The following NEGR1 variants were observed in gnomAD, a reference collection of about 807,000 sequenced individuals.
NEGR1 encodes the protein IgLON family member 4.
NEGR1 carries 10 observed loss-of-function variants against 40.9 expected under a neutral mutation model. That is an observed-to-expected ratio of 0.24 (90% CI 0.15 to 0.42). The LOEUF is 0.42. NEGR1 is among the 10% of genes least tolerant of loss of function. The probability of loss-of-function intolerance (pLI) is 1.00; values close to 1 mark genes in which losing one functional copy is unlikely to be tolerated. For missense variants in NEGR1, 352 were observed against 438.9 expected (o/e 0.80, Z 1.77); for synonymous variants, 185 against 166.8 (o/e 1.11, Z -0.84).
intron 6 of NEGR1, among the ~76,000 whole-genome samples, chr1:71,572,843 G>A (rs1445912206): frequency 4.6e-5 from 7 of 152,084 alleles, no homozygotes; most frequent in Non-Finnish European, 8.8e-5. Context: ...TCCTTAAAGG[G>A]ACCCTAGAAG....
chr1:71,743,127 C>T (rs1655269809), intron 3 of NEGR1, among the ~76,000 whole-genome samples: 1 of 152,160 alleles, frequency 6.6e-6, no homozygotes, highest in Admixed American at 6.6e-5. Context: ...TTTCCAGCCT[C>T]TGAAACTGTG....
intron 2 of NEGR1, among the ~76,000 whole-genome samples, chr1:71,881,229 G>C (rs1660575799): frequency 6.6e-6 from 1 of 151,954 alleles, no homozygotes; most frequent in African/African-American, 2.4e-5. Flanking sequence ...TTCTGAGACA[G>C]TAAGTGTCTG....
At chr1:71,511,560 C>A (rs532035975) in intron 6 of NEGR1, among the ~76,000 whole-genome samples, 2 of 152,090 alleles carry the variant, frequency 1.3e-5, no homozygotes, top group Non-Finnish European at 2.9e-5. Context: ...TTCTAAGAGC[C>A]CAGAGACTTC....
chr1:72,124,918 G>C, intron 1 of NEGR1, among the ~76,000 whole-genome samples: 1 of 152,042 alleles, frequency 6.6e-6, no homozygotes, highest in South Asian at 2.1e-4. Context: ...CATACACATT[G>C]AATTTTAAAG....
At chr1:71,422,237 T>C (rs1646399347) in intron 6 of NEGR1, among the ~76,000 whole-genome samples, 1 of 152,188 alleles carries the variant, frequency 6.6e-6, no homozygotes, top group Non-Finnish European at 1.5e-5. Context: ...AGGATTTCAA[T>C]TTAACGTTAA....
chr1:71,962,748 TTACTC>T (rs979335465), intron 1 of NEGR1, among the ~76,000 whole-genome samples: 2 of 150,572 alleles, frequency 1.3e-5, no homozygotes, highest in African/African-American at 4.9e-5. Flanking sequence ...GACTTAGACT[TTACTC>T]TGTCTAAATT....
intron 1 of NEGR1, among the ~76,000 whole-genome samples, chr1:72,182,320 C>G (rs906641057): frequency 6.6e-6 from 1 of 152,038 alleles, no homozygotes; most frequent in African/African-American, 2.4e-5. Context: ...ATGGTGAAAC[C>G]CTGTCTCTAC....
At chr1:72,173,182 ATTTTT>A (rs1249612061) in intron 1 of NEGR1, among the ~76,000 whole-genome samples, 1 of 149,898 alleles carries the variant, frequency 6.7e-6, no homozygotes, top group African/African-American at 2.4e-5. Flanking sequence ...AATTTTTTGA[ATTTTT>A]TATAGAGACA....
intron 1 of NEGR1, among the ~76,000 whole-genome samples, chr1:71,975,649 A>T (rs1646295863): frequency 6.6e-6 from 1 of 152,194 alleles, no homozygotes; most frequent in South Asian, 2.1e-4. Context: ...TAATCTGTAG[A>T]GTAAAAAATA....
intron 4 of NEGR1, among the ~76,000 whole-genome samples, chr1:71,636,875 G>A (rs1339387321): frequency 1.3e-5 from 2 of 151,986 alleles, no homozygotes; most frequent in African/African-American, 2.4e-5. Context: ...ACATACCCAA[G>A]GTACTGTTTT....
Position 71,773,691 on chromosome 1 carries a change from CTAGT to C in NEGR1, c.535+2477_535+2480del, listed in dbSNP as rs1222124413. On this transcript the variant is annotated intron_variant, in intron 3 of 6. Transcript: ENST00000357731. ...GTGTTTATAAAAATCTCTGCCAAGT[CTAGT>C]TATTCATTGGATAATAGTTAATATT... 5.3e-5 allele frequency among the ~76,000 whole-genome samples: 8 copies of C among 152,212 alleles called. No individual in the cohort carries two copies. In the South Asian group the frequency reaches 1.7e-3, roughly 32 times the overall value.
At chr1:71,696,065 C>T (rs1310515280) in intron 4 of NEGR1, among the ~76,000 whole-genome samples, 1 of 151,692 alleles carries the variant, frequency 6.6e-6, no homozygotes, top group Non-Finnish European at 1.5e-5. Context: ...TAATACATTG[C>T]CTTTTGTCTT....
At chr1:72,006,079 T>G (rs937872707) in intron 1 of NEGR1, among the ~76,000 whole-genome samples, 2 of 152,220 alleles carry the variant, frequency 1.3e-5, no homozygotes, top group African/African-American at 4.8e-5. Context: ...ATGGCATTTA[T>G]TTAATTTAAA....
chr1:71,491,296 C>T (rs1049529128), intron 6 of NEGR1, among the ~76,000 whole-genome samples: 2 of 152,006 alleles, frequency 1.3e-5, no homozygotes, highest in African/African-American at 4.8e-5. Flanking sequence ...CACTTTACAT[C>T]AGGGACTTGA....
chr1:72,060,599 G>T (rs1647158257), intron 1 of NEGR1, among the ~76,000 whole-genome samples: 1 of 151,602 alleles, frequency 6.6e-6, no homozygotes, highest in South Asian at 2.1e-4. Context: ...TTTAGAGGAA[G>T]AGTTAATACG....
At chr1:72,126,101 G>GTC (rs1650010272) in intron 1 of NEGR1, among the ~76,000 whole-genome samples, 2 of 94,072 alleles carry the variant, frequency 2.1e-5, no homozygotes, top group South Asian at 8.3e-4. Flanking sequence ...ATGTGTGTGT[G>GTC]TGTGTGTGTG....
chr1:71,699,560 A>C (rs527673691), intron 3 of NEGR1, among the ~76,000 whole-genome samples: 1 of 151,960 alleles, frequency 6.6e-6, no homozygotes, highest in Admixed American at 6.6e-5. Flanking sequence ...TATTAAAAAA[A>C]CAAAACACTT....
chr1:71,452,728 TGAA>T (rs1263632164), intron 6 of NEGR1, among the ~76,000 whole-genome samples: 14 of 151,862 alleles, frequency 9.2e-5, no homozygotes, highest in African/African-American at 3.4e-4. Context: ...TAGTTATTAA[TGAA>T]GAAAAATTTC....
chr1:71,994,996 G>GA (rs34098239), intron 1 of NEGR1, among the ~76,000 whole-genome samples: 55,759 of 111,290 alleles, frequency 0.5, 14,118 homozygotes, highest in Non-Finnish European at 0.57. Context: ...AAATTTACAG[G>GA]AAAAAAAAAA....
Sources: allele counts gnomAD v4.1 joint callset (sites outside exome capture counted in the v4.1 genomes callset), GRCh38; gene constraint gnomAD v4.1.1; transcripts MANE v1.5; gene names NCBI Gene and HGNC (gene_info 2026-07-23, HGNC 2026-07-21).